Variants in PPP2R5D observed in about 807,000 individuals in gnomAD.
PPP2R5D encodes the protein protein phosphatase 2 regulatory subunit B'delta.
In PPP2R5D, 12 loss-of-function variants were observed where a neutral mutation model predicts 79.1. The ratio of observed to expected loss-of-function variants is 0.15; its 90% CI spans 0.10 to 0.25. PPP2R5D has a LOEUF of 0.25. Among genes scored for constraint, PPP2R5D ranks in the 10% least tolerant of loss-of-function variants. PPP2R5D has a pLI of 1.00. For synonymous variants in PPP2R5D, 277 were observed against 286.6 expected, an observed-to-expected ratio of 0.97 and a Z score of 0.34; for missense variants, 419 against 760.2, an observed-to-expected ratio of 0.55 and a Z score of 5.28.
chr6:42,999,592 G>T (rs1307182521), intron 2 of PPP2R5D, among the ~76,000 whole-genome samples: 1 of 152,096 alleles, frequency 6.6e-6, no homozygotes, highest in Non-Finnish European at 1.5e-5. Flanking sequence ...CTGAGATGGA[G>T]TCTTATTCTG....
chr6:42,988,011 T>C (rs3805946), intron 1 of PPP2R5D, among the ~76,000 whole-genome samples: 68,529 of 151,728 alleles, frequency 0.45, 15,959 homozygotes, highest in Non-Finnish European at 0.49. Flanking sequence ...AGGGTCAGTG[T>C]GGCCAGCTGG....
At chr6:43,002,140 G>C (rs1772263048) in intron 2 of PPP2R5D, among the ~76,000 whole-genome samples, 1 of 151,740 alleles carries the variant, frequency 6.6e-6, no homozygotes, top group Non-Finnish European at 1.5e-5. Flanking sequence ...TGAGCACCAA[G>C]CTCCACAGAT....
chr6:42,987,956 GC>G (rs1770976516), intron 1 of PPP2R5D, among the ~76,000 whole-genome samples: 2 of 152,222 alleles, frequency 1.3e-5, no homozygotes, highest in South Asian at 4.2e-4. Context: ...CCTGCACCCT[GC>G]CCCCGGCCTA....
At position 43,012,334 on chromosome 6, in the gene PPP2R5D, C is replaced by A. The variant is rs1443593360; in HGVS notation, c.*1048C>A. ...ATGTACAGAACTGAATAAAGTGGGT[C>A]TCTGAGAAGTCTGATGTGCCTTGAT... On this transcript the variant is annotated 3_prime_UTR_variant, in exon 16 of 16. Transcript: ENST00000485511. 3 of 1,471,812 alleles carry A rather than the reference C, an allele frequency of 2.0e-6. No individual in the cohort carries two copies. Among genetic ancestry groups the A allele is most frequent in the Non-Finnish European group, 2.7e-6 (3 of 1,111,986 alleles). The allele number at this position is 1,471,812 out of a possible 1,614,324, so 91.2% of individuals were successfully genotyped here. A position where few individuals can be genotyped will look rare whatever the true frequency, so the allele number is the denominator to read the frequency against.
chr6:43,003,830 G>C (rs1307812516), intron 2 of PPP2R5D, among the ~76,000 whole-genome samples: 4 of 151,962 alleles, frequency 2.6e-5, no homozygotes, highest in Admixed American at 6.6e-5. Flanking sequence ...CGCCTCCCGG[G>C]TTCACGCCAT....
In PPP2R5D at chr6:43,009,360, C is replaced by T. The variant is rs749823493; in HGVS notation, c.1290C>T (p.Tyr430=). The T allele has an allele frequency of 6.8e-6, 11 of 1,613,980 alleles. No homozygotes were observed. Among genetic ancestry groups the T allele is most frequent in the East Asian group, 2.2e-5 (1 of 44,890 alleles). Residue 430 remains tyrosine (Y), a synonymous_variant, in exon 12 of 16, where the codon TAC becomes TAT. Coordinates refer to ENST00000485511, the MANE Select transcript of PPP2R5D (RefSeq NM_006245.4). The surrounding 1 kb of genome is among the most constrained non-coding windows in gnomAD (Gnocchi z 5.6). Reference sequence around the variant, plus strand: ...CTCTCTATTACTGGAACAATGAGTACATCATGAGCCTGATAAGTGACAATG... The same window carrying T: ...CTCTCTATTACTGGAACAATGAGTATATCATGAGCCTGATAAGTGACAATG... ...ERALYYWNNE[Y]IMSLISDNAA... is the part of the protein sequence containing the mutation.
rs375663526 is a variant in PPP2R5D, at chr6:43,010,507, T to G, written c.1419T>G (p.Phe473Leu). ...HGLIYNALKL[F>L]MEMNQKLFDD... ...TGATCTATAATGCCCTGAAGTTGTT[T>G]ATGGAAATGAATCAGAAGCTGTTTG... Residue 473 changes from phenylalanine (F) to leucine (L), a missense_variant, in exon 13 of 16, where the codon TTT becomes TTG. By Grantham distance (22) the Phe-to-Leu change is conservative (BLOSUM62 0). Coordinates refer to ENST00000485511, the MANE Select transcript of PPP2R5D (RefSeq NM_006245.4). The surrounding 1 kb of genome is among the most constrained non-coding windows in gnomAD (Gnocchi z 4.7). 2.5e-5 allele frequency: 40 copies of G among 1,613,998 alleles called. No individual in the cohort carries two copies. The highest frequency in any genetic ancestry group is 3.3e-5 in the Non-Finnish European group (39 of 1,180,030).
rs552544342 is a variant in PPP2R5D at position 42,991,452 on chromosome 6, C to G, written c.105+1764C>G. Among the ~76,000 whole-genome samples the G allele has an allele frequency of 4.6e-5, 7 of 152,290 alleles. No individual in the cohort carries two copies. In the South Asian group the frequency reaches 1.0e-3, roughly 23 times the overall value. ...TGACCACCCACCCCTATCCCCAGGA[C>G]CTCGCGAGGGCTTCTGTTAGTTGCT... On this transcript the variant is annotated intron_variant, in intron 2 of 15. Transcript: ENST00000485511.
rs750297448 is a variant in PPP2R5D at position 43,011,217 on chromosome 6, C to T, written c.1740C>T (p.Tyr580=). Residue 580 remains tyrosine, a synonymous_variant, in exon 16 of 16, where the codon TAC becomes TAT. Coordinates refer to ENST00000485511, the MANE Select transcript of PPP2R5D (RefSeq NM_006245.4). ...RRKSELPQDV[Y]TIKALEAHKR... The stretch of plus-strand genomic sequence containing the variant: ...AGTCGGAGCTGCCCCAGGACGTGTA[C>T]ACCATCAAGGCACTGGAGGCGCACA... 6 of 1,614,114 alleles carry T rather than the reference C, an allele frequency of 3.7e-6. No individual in the cohort carries two copies. The Admixed American group carries it at 5.0e-5, about 13-fold the overall frequency.
In PPP2R5D at chr6:43,006,236, G is replaced by A. The variant is rs1762069217; in HGVS notation, c.106-227G>A. ...TGGAATGAACGTTTTAAAGGCTCTT[G>A]ATGCACAAGCAGTGGGCATCTCTTT... On this transcript the variant is annotated intron_variant, in intron 2 of 15. Transcript: ENST00000485511. The surrounding 1 kb of genome is among the most constrained non-coding windows in gnomAD (Gnocchi z 4.7). 6.6e-6 allele frequency among the ~76,000 whole-genome samples: 1 copy of A among 152,188 alleles called. No homozygotes were observed.
intron 2 of PPP2R5D, among the ~76,000 whole-genome samples, chr6:43,003,970 G>A (rs559902879): frequency 4.9e-4 from 74 of 151,648 alleles, no homozygotes; most frequent in Non-Finnish European, 9.4e-4. Flanking sequence ...TGCCCGCCTC[G>A]GCCTCCCAAA....
chr6:42,992,115 AG>A (rs2150254279), intron 2 of PPP2R5D, among the ~76,000 whole-genome samples: 1 of 152,270 alleles, frequency 6.6e-6, no homozygotes, highest in South Asian at 2.1e-4. Flanking sequence ...GCTGGAGTGC[AG>A]TGGCGCGATC....
chr6:42,995,854 C>A (rs185545219), intron 2 of PPP2R5D, among the ~76,000 whole-genome samples: 2 of 150,734 alleles, frequency 1.3e-5, no homozygotes, highest in African/African-American at 4.9e-5. Context: ...GCTGGGGCTG[C>A]AGGCACGAGC....
chr6:43,007,516 C>A lies in PPP2R5D; in HGVS notation c.726+10C>A. 6.3e-7 allele frequency: 1 copy of A among 1,593,304 alleles called. No homozygotes were observed. Among genetic ancestry groups the A allele is most frequent in the Non-Finnish European group, 8.6e-7 (1 of 1,161,094 alleles). On this transcript the variant is annotated intron_variant, in intron 6 of 15. Transcript: ENST00000485511. This position sits in a 1 kb window ranked among gnomAD's most constrained non-coding sequence, Gnocchi z 4.5. ...GAAGTTTGTACTTGCTGTGAGTCCC[C>A]GAGTTCCTGTCCTTGCCCTCTCTTT... is the stretch of plus-strand genomic sequence containing the variant.
intron 1 of PPP2R5D, among the ~76,000 whole-genome samples, chr6:42,986,463 T>A (rs1043694872): frequency 1.3e-5 from 2 of 152,202 alleles, no homozygotes; most frequent in African/African-American, 4.8e-5. Context: ...CAGGCAGCTC[T>A]GATTCTGAGT....
chr6:43,004,078 A>G (rs993049646), intron 2 of PPP2R5D, among the ~76,000 whole-genome samples: 4 of 151,272 alleles, frequency 2.6e-5, no homozygotes, highest in African/African-American at 9.7e-5. Flanking sequence ...GCTGGAGTGC[A>G]GTGGCATGAG....
rs747665099 is a variant in PPP2R5D, at chr6:43,008,761, G to A, written c.1080+15G>A. 7.4e-6 allele frequency: 12 copies of A among 1,612,636 alleles called. No individual in the cohort carries two copies. In the Middle Eastern group the frequency reaches 4.9e-4, roughly 67 times the overall value. The stretch of plus-strand genomic sequence containing the variant: ...TGACTGAGCCGGTAATTCCCCTTCC[G>A]GGCCCCAAGGCCCACCTCTTACTGT... On this transcript the variant is annotated intron_variant, in intron 10 of 15. Transcript: ENST00000485511. This position sits in a 1 kb window ranked among gnomAD's most constrained non-coding sequence, Gnocchi z 4.2.
Position 43,006,514 on chromosome 6 carries a change from C to G in PPP2R5D, c.157C>G (p.Pro53Ala). 1 of 1,614,052 alleles carries G rather than the reference C, an allele frequency of 6.2e-7. No individual in the cohort carries two copies. Among genetic ancestry groups the G allele is most frequent in the African/African-American group, 1.3e-5 (1 of 75,030 alleles). The change falls in exon 3 of 16, where the codon CCG (proline) becomes GCG (alanine). Residue 53 changes from proline (P) to alanine (A), a missense_variant. Transcript: ENST00000485511. The surrounding 1 kb of genome is among the most constrained non-coding windows in gnomAD (Gnocchi z 4.7). Reference protein sequence around the residue: ...QPQPQAQSQPPSSNKRPSNST... With the variant: ...QPQPQAQSQPASSNKRPSNST... The stretch of plus-strand genomic sequence containing the variant: ...CCAGCCCCAAGCCCAGTCTCAGCCA[C>G]CGTCATCCAACAAGCGTCCCAGCAA...
rs70990164 is a variant in PPP2R5D at position 42,990,699 on chromosome 6, CTTTTTTTTTTT to C, written c.105+1028_105+1038del. Among the ~76,000 whole-genome samples the C allele has an allele frequency of 1.6e-3, 84 of 51,602 alleles. 1 individual carries two copies. Among genetic ancestry groups the C allele is most frequent in the African/African-American group, 2.5e-3 (31 of 12,508 alleles). The allele number at this position is 51,602 out of a possible 152,430, so 33.9% of individuals were successfully genotyped here. On this transcript the variant is annotated intron_variant, in intron 2 of 15. Coordinates refer to ENST00000485511, the MANE Select transcript of PPP2R5D (RefSeq NM_006245.4). ...TCCTCTGCACTTATGCAGTATTCTA[CTTTTTTTTTTT>C]TTTTTTTTTTTTTTTTGAGATGGAG...
Sources: allele counts gnomAD v4.1 joint callset (sites outside exome capture counted in the v4.1 genomes callset), GRCh38; gene constraint gnomAD v4.1.1; non-coding constraint Gnocchi (gnomAD v3.1); transcripts MANE v1.5; gene names NCBI Gene and HGNC (gene_info 2026-07-23, HGNC 2026-07-21).